NAV2: variants seen among roughly 807,000 people sequenced by gnomAD.
The protein encoded by NAV2 is neuron navigator 2.
Under a neutral mutation model 223.2 loss-of-function variants are expected in NAV2, and 54 were observed. That is an observed-to-expected ratio of 0.24 (90% confidence interval 0.19 to 0.30). The LOEUF is 0.30. Ranked by LOEUF, NAV2 falls within the 10% of genes least tolerant of loss-of-function variation. NAV2 has a pLI of 1.00. For synonymous variants in NAV2, 1,279 were observed against 1,239.3 expected, an observed-to-expected ratio of 1.03 and a Z score of -0.67; for missense variants, 2,806 against 3,147.5, an observed-to-expected ratio of 0.89 and a Z score of 2.60.
chr11:20,077,849 G>GT (rs1179501658), intron 23 of NAV2, 144 bp from the exon 24 acceptor site: 19 of 733,282 alleles, frequency 2.6e-5, no homozygotes, highest in African/African-American at 5.3e-5. Flanking sequence ...ACTTTTATGT[G>GT]TTTGTTCATG....
intron 3 of NAV2, among the ~76,000 whole-genome samples, chr11:19,859,357 G>GC (rs1309450048): frequency 6.6e-6 from 1 of 150,500 alleles, no homozygotes. Flanking sequence ...CGAGTATGCT[G>GC]CCTTCAAGCT....
chr11:19,921,888 T>C (rs543946027), intron 6 of NAV2, among the ~76,000 whole-genome samples: 1 of 152,374 alleles, frequency 6.6e-6, no homozygotes, highest in South Asian at 2.1e-4. Flanking sequence ...AAATGTTGAA[T>C]GTTATCCTTC....
chr11:19,640,554 A>T (rs77122471), intron 1 of NAV2, among the ~76,000 whole-genome samples: 3,152 of 152,028 alleles, frequency 0.021, 63 homozygotes, highest in East Asian at 0.063. Context: ...ATCTCAGGGG[A>T]CCATTATTTC....
At chr11:19,550,380 G>C (rs1367755980) in intron 1 of NAV2, among the ~76,000 whole-genome samples, 1 of 152,180 alleles carries the variant, frequency 6.6e-6, no homozygotes, top group Non-Finnish European at 1.5e-5. Context: ...ACAGGACTCT[G>C]TTAGAACCCG....
chr11:19,399,700 A>G (rs1038617781), intron 1 of NAV2, among the ~76,000 whole-genome samples: 7 of 152,250 alleles, frequency 4.6e-5, no homozygotes, highest in Non-Finnish European at 1.0e-4. Context: ...TTCATTTATG[A>G]TGAGAAAACT....
chr11:19,355,274 T>C (rs1853557178), intron 1 of NAV2, among the ~76,000 whole-genome samples: 1 of 150,260 alleles, frequency 6.7e-6, no homozygotes, highest in South Asian at 2.1e-4. Context: ...TTTTTAAAGA[T>C]GCTTGATGAT....
In NAV2 at chr11:19,836,981, A is replaced by G. The variant is rs572716708; in HGVS notation, c.385+4380A>G. Among the ~76,000 whole-genome samples the G allele has an allele frequency of 3.5e-4, 53 of 152,274 alleles. No homozygotes were observed. In the South Asian group the frequency reaches 0.01, roughly 30 times the overall value. ...ATGAGATCTTTACCCTCATGACCTAATTATCTCCCAAAGGCCCCATCTCCA... is the reference window on the plus strand; with the variant it reads ...ATGAGATCTTTACCCTCATGACCTAGTTATCTCCCAAAGGCCCCATCTCCA... On this transcript the variant is annotated intron_variant, in intron 2 of 37. Coordinates refer to ENST00000349880, the MANE Select transcript of NAV2 (RefSeq NM_145117.5).
intron 1 of NAV2, among the ~76,000 whole-genome samples, chr11:19,622,616 G>T (rs1249483373): frequency 3.3e-5 from 5 of 152,048 alleles, no homozygotes; most frequent in Non-Finnish European, 5.9e-5. Flanking sequence ...CCATTTGCTT[G>T]GTAGATCTTC....
chr11:19,573,080 G>A (rs1008441893), intron 1 of NAV2, among the ~76,000 whole-genome samples: 7 of 151,902 alleles, frequency 4.6e-5, no homozygotes, highest in East Asian at 1.9e-4. Context: ...GTCTTGGCTC[G>A]GCAGGCACTC....
intron 10 of NAV2, among the ~76,000 whole-genome samples, chr11:19,954,619 T>A (rs565347436): frequency 6.6e-6 from 1 of 152,310 alleles, no homozygotes; most frequent in South Asian, 2.1e-4. Flanking sequence ...ATACTTTATT[T>A]TTGTTTGTAT....
Position 19,846,267 on chromosome 11 carries a change from A to G in NAV2, c.438+3344A>G, listed in dbSNP as rs1420573018. Among the ~76,000 whole-genome samples, 3 of 152,298 alleles carry G rather than the reference A, an allele frequency of 2.0e-5. No homozygotes were observed. The East Asian group carries it at 5.8e-4, about 29-fold the overall frequency. ...AAACAATCATCCATTGATTGTACCA[A>G]ATTGCCATGAACTGTGTCTGGTGAG... On this transcript the variant is annotated intron_variant, in intron 3 of 37. Transcript: ENST00000349880.
intron 1 of NAV2, among the ~76,000 whole-genome samples, chr11:19,561,875 T>G (rs1033490316): frequency 4.6e-5 from 7 of 152,328 alleles, no homozygotes; most frequent in African/African-American, 1.7e-4. Context: ...GAAGAGATCC[T>G]GCCCCACTGC....
chr11:19,955,081 C>T (rs1365929930), intron 10 of NAV2, among the ~76,000 whole-genome samples: 1 of 151,990 alleles, frequency 6.6e-6, no homozygotes, highest in East Asian at 1.9e-4. Context: ...TTGGCTGGCA[C>T]TGTGCCTGCC....
chr11:19,868,614 C>T (rs576562884), intron 3 of NAV2, among the ~76,000 whole-genome samples: 2 of 152,158 alleles, frequency 1.3e-5, no homozygotes, highest in African/African-American at 4.8e-5. Flanking sequence ...TCCCCACCTC[C>T]ATTTTTCTGG....
At chr11:19,588,760 G>A (rs2045968827) in intron 1 of NAV2, among the ~76,000 whole-genome samples, 1 of 152,200 alleles carries the variant, frequency 6.6e-6, no homozygotes, top group South Asian at 2.1e-4. Context: ...GCCAACAATG[G>A]TAGCTATCTC....
chr11:19,950,123 C>T (rs997008684), intron 10 of NAV2, among the ~76,000 whole-genome samples: 2 of 152,228 alleles, frequency 1.3e-5, no homozygotes, highest in African/African-American at 4.8e-5. Flanking sequence ...CCCAGAAGTT[C>T]TCCAAGATCT....
chr11:20,092,980 C>T (rs1269973416), intron 28 of NAV2, 119 bp from the exon 29 acceptor site: 3 of 207,526 alleles, frequency 1.4e-5, no homozygotes, highest in East Asian at 1.5e-4. Flanking sequence ...CCTACCCCCC[C>T]ACCCCCTGCA....
At chr11:19,860,818 T>A (rs1357906134) in intron 3 of NAV2, among the ~76,000 whole-genome samples, 27 of 148,984 alleles carry the variant, frequency 1.8e-4, no homozygotes, top group African/African-American at 4.5e-4. Context: ...CACTCGCGGT[T>A]AGGAGCTGGA....
At chr11:19,959,856 G>T (rs182515589) in intron 10 of NAV2, among the ~76,000 whole-genome samples, 2 of 152,224 alleles carry the variant, frequency 1.3e-5, no homozygotes, top group East Asian at 3.9e-4. Flanking sequence ...GCTTAGCAAG[G>T]TGCTCCTTCT....
Sources: gnomAD v4.1 joint callset for allele counts (sites outside exome capture counted in the v4.1 genomes callset) on GRCh38, gnomAD v4.1.1 for gene constraint, MANE v1.5 for transcripts, NCBI Gene and HGNC (gene_info 2026-07-23, HGNC 2026-07-21) for gene names.